DENND10: variants seen among roughly 807,000 people sequenced by gnomAD.
The protein encoded by DENND10 is DENN domain containing 10.
Under a neutral mutation model 43.6 loss-of-function variants are expected in DENND10, and 24 were observed. The ratio of observed to expected loss-of-function variants is 0.55; its 90% CI spans 0.40 to 0.77. The LOEUF is 0.77. Among genes scored for constraint, DENND10 ranks in the 30% least tolerant of loss-of-function variants. DENND10 has a pLI of 0.00. For missense variants in DENND10, 303 were observed against 429.9 expected (o/e 0.70, Z 2.61); for synonymous variants, 125 against 157.6 (o/e 0.79, Z 1.55).
At chr10:119,128,384 C>T (rs1028981133) in intron 6 of DENND10, among the ~76,000 whole-genome samples, 2 of 151,762 alleles carry the variant, frequency 1.3e-5, no homozygotes, top group African/African-American at 2.4e-5. Flanking sequence ...CTGAGGCAGG[C>T]GGATCACGAG....
chr10:119,115,885 T>A (rs920711499), intron 3 of DENND10, among the ~76,000 whole-genome samples: 1 of 151,392 alleles, frequency 6.6e-6, no homozygotes, highest in Non-Finnish European at 1.5e-5. Context: ...TGCCTCAGCC[T>A]CCCAAGTAGC....
intron 8 of DENND10, 99 bp from the exon 9 acceptor site, chr10:119,136,372 G>GT (rs1347791816): frequency 7.1e-7 from 1 of 1,409,952 alleles, no homozygotes; most frequent in Admixed American, 2.4e-5. Context: ...ATTTTTCATA[G>GT]TTTATAAACA....
chr10:119,112,020 C>A, intron 3 of DENND10, 92 bp downstream of exon 3: 1 of 926,720 alleles, frequency 1.1e-6, no homozygotes, highest in Non-Finnish European at 1.8e-6. Context: ...AAGCAAAGTT[C>A]AGCCTTGTGT....
Position 119,136,464 on chromosome 10 carries a change from A to G in DENND10, c.898-7A>G, listed in dbSNP as rs745831196. ...CATGTTGCATATATTTTCCTGTTCT[A>G]TTAAAGGATATTGCTCTAAAAACAA... is the stretch of plus-strand genomic sequence containing the variant. On this transcript the variant is annotated splice_region_variant and splice_polypyrimidine_tract_variant and intron_variant, in intron 8 of 8. Coordinates refer to ENST00000361432, the MANE Select transcript of DENND10 (RefSeq NM_207009.4). 6.2e-7 allele frequency: 1 copy of G among 1,602,610 alleles called. No homozygotes were observed. Among genetic ancestry groups the G allele is most frequent in the Admixed American group, 1.8e-5 (1 of 56,090 alleles).
chr10:119,123,390 C>A, intron 5 of DENND10, 79 bp from the exon 6 acceptor site: 1 of 1,030,272 alleles, frequency 9.7e-7, no homozygotes, highest in Non-Finnish European at 1.5e-6. Flanking sequence ...ATTTCCTTCT[C>A]AGGAAGAGGA....
intron 5 of DENND10, among the ~76,000 whole-genome samples, chr10:119,122,031 G>C (rs1448975681): frequency 2.0e-5 from 3 of 152,130 alleles, no homozygotes; most frequent in Admixed American, 2.0e-4. Context: ...TGTTGGCCGG[G>C]CATGGTGGCT....
At chr10:119,135,680 G>A (rs1360181929) in intron 8 of DENND10, among the ~76,000 whole-genome samples, 1 of 149,906 alleles carries the variant, frequency 6.7e-6, no homozygotes, top group Non-Finnish European at 1.5e-5. Flanking sequence ...GTAATGGGTA[G>A]AGTTTCTGTT....
chr10:119,135,818 C>CAAAAAAAAAAAAAAAAAAAAAAAAAAA (rs1174927246), intron 8 of DENND10, among the ~76,000 whole-genome samples: 2 of 76,476 alleles, frequency 2.6e-5, no homozygotes, highest in Non-Finnish European at 2.7e-5. Context: ...AAAAAAAAAC[C>CAAAAAAAAAAAAAAAAAAAAAAAAAAA]AAAACCACAC....
chr10:119,127,652 T>A (rs181696307), intron 6 of DENND10, among the ~76,000 whole-genome samples: 64 of 151,930 alleles, frequency 4.2e-4, no homozygotes, highest in East Asian at 2.7e-3. Flanking sequence ...CTAATTTTTT[T>A]TTTTATTTTA....
chr10:119,126,638 T>C (rs1421946830), intron 6 of DENND10, among the ~76,000 whole-genome samples: 1 of 152,104 alleles, frequency 6.6e-6, no homozygotes, highest in Non-Finnish European at 1.5e-5. Flanking sequence ...CTAATTTTTG[T>C]ATTTTTAGTA....
At chr10:119,121,774 A>G (rs1845592122) in intron 5 of DENND10, among the ~76,000 whole-genome samples, 1 of 152,012 alleles carries the variant, frequency 6.6e-6, no homozygotes, top group South Asian at 2.1e-4. Context: ...TAAAAGCAAG[A>G]GGACTTAGCA....
intron 2 of DENND10, among the ~76,000 whole-genome samples, chr10:119,111,527 T>G (rs1192954705): frequency 2.0e-5 from 3 of 152,076 alleles, no homozygotes; most frequent in Non-Finnish European, 4.4e-5. Context: ...GAGTCTGATT[T>G]AGCACTTCTT....
At chr10:119,129,097 T>A (rs1845964410) in intron 6 of DENND10, among the ~76,000 whole-genome samples, 2 of 152,194 alleles carry the variant, frequency 1.3e-5, no homozygotes, top group Admixed American at 1.3e-4. Flanking sequence ...GATCTGCTAA[T>A]TCCTGAGTTG....
chr10:119,113,520 C>T (rs1459036882), intron 3 of DENND10, among the ~76,000 whole-genome samples: 1 of 151,202 alleles, frequency 6.6e-6, no homozygotes, highest in Non-Finnish European at 1.5e-5. Context: ...AATGTTGTTA[C>T]TAGATAGAAT....
At chr10:119,106,799 C>T (rs748831687) in intron 1 of DENND10, among the ~76,000 whole-genome samples, 1 of 152,166 alleles carries the variant, frequency 6.6e-6, no homozygotes, top group Non-Finnish European at 1.5e-5. Flanking sequence ...AATCCCAGCA[C>T]TTTGGGGGGC....
intron 1 of DENND10, among the ~76,000 whole-genome samples, chr10:119,104,490 G>C (rs1474416875): frequency 6.6e-6 from 1 of 150,868 alleles, no homozygotes; most frequent in Non-Finnish European, 1.5e-5. Flanking sequence ...CACGCCCCGG[G>C]TTGCCCGGCG....
At chr10:119,108,270 G>C (rs1844795570) in intron 2 of DENND10, 106 bp downstream of exon 2, 2 of 795,436 alleles carry the variant, frequency 2.5e-6, no homozygotes, top group African/African-American at 1.7e-5. Flanking sequence ...AGATCACAAG[G>C]TCAAGAGATT....
chr10:119,127,252 T>A (rs1845879995), intron 6 of DENND10, among the ~76,000 whole-genome samples: 1 of 152,106 alleles, frequency 6.6e-6, no homozygotes, highest in South Asian at 2.1e-4. Context: ...TTAATTTATC[T>A]GGAATAATTT....
rs1475452223 is a variant in DENND10 at position 119,120,456 on chromosome 10, T to C, written c.593+4T>C. 1.3e-6 allele frequency: 2 copies of C among 1,558,924 alleles called. No homozygotes were observed. Among genetic ancestry groups the C allele is most frequent in the East Asian group, 4.5e-5 (2 of 44,596 alleles). ...AAGCGGTCCAGGAGTTCACCAGGTA[T>C]CACCTCTAATTATAAAAAAGTGTTA... On this transcript the variant is annotated splice_donor_region_variant and intron_variant, in intron 5 of 8. Coordinates refer to ENST00000361432, the MANE Select transcript of DENND10 (RefSeq NM_207009.4).
Sources: allele counts gnomAD v4.1 joint callset (sites outside exome capture counted in the v4.1 genomes callset), GRCh38; gene constraint gnomAD v4.1.1; transcripts MANE v1.5; gene names NCBI Gene and HGNC (gene_info 2026-07-23, HGNC 2026-07-21).